The following VSTM4 variants were observed in gnomAD, a reference collection of about 807,000 sequenced individuals.
VSTM4 encodes V-set and transmembrane domain containing 4, also known as V-set and transmembrane domain-containing protein 4.
In VSTM4, 20 loss-of-function variants were observed where a neutral mutation model predicts 36.4. The observed-to-expected ratio is 0.55, with a 90% CI of 0.39 to 0.80. The LOEUF is 0.80. VSTM4 is among the 30% of genes least tolerant of loss of function. VSTM4 has a pLI of 0.00. For missense variants in VSTM4, 392 were observed against 404.5 expected (o/e 0.97, Z 0.26); for synonymous variants, 182 against 173.9 (o/e 1.05, Z -0.37).
intron 4 of VSTM4, among the ~76,000 whole-genome samples, chr10:49,076,496 G>A (rs1844180541): frequency 6.6e-6 from 1 of 152,138 alleles, no homozygotes; most frequent in African/African-American, 2.4e-5. Flanking sequence ...GAGCCACAGT[G>A]TCCCCAAGCT....
chr10:49,042,072 A>G (rs1843530006), intron 7 of VSTM4, among the ~76,000 whole-genome samples: 2 of 152,206 alleles, frequency 1.3e-5, no homozygotes, highest in Non-Finnish European at 2.9e-5. Context: ...AGCCACATAA[A>G]CACGCACACC....
intron 4 of VSTM4, 105 bp from the exon 5 acceptor site, chr10:49,064,841 T>A: frequency 5.0e-6 from 6 of 1,209,996 alleles, no homozygotes; most frequent in Non-Finnish European, 7.2e-6. Context: ...GTTCAGGTAT[T>A]GGTGCTATAC....
chr10:49,039,798 C>G (rs933367437), intron 7 of VSTM4, among the ~76,000 whole-genome samples: 1 of 152,174 alleles, frequency 6.6e-6, no homozygotes, highest in African/African-American at 2.4e-5. Context: ...CTGTGTCCTG[C>G]GGCTGTTTTT....
At chr10:49,112,357 A>G (rs1844910078) in intron 1 of VSTM4, among the ~76,000 whole-genome samples, 1 of 152,200 alleles carries the variant, frequency 6.6e-6, no homozygotes, top group South Asian at 2.1e-4. Flanking sequence ...CAGAGAAACG[A>G]TGAGACACAG....
At chr10:49,020,308 G>A (rs1044250240) in intron 7 of VSTM4, among the ~76,000 whole-genome samples, 1 of 152,052 alleles carries the variant, frequency 6.6e-6, no homozygotes, top group African/African-American at 2.4e-5. Context: ...GAAAACCATG[G>A]CCTGAAATAC....
chr10:49,081,239 A>G (rs773248019), intron 3 of VSTM4, among the ~76,000 whole-genome samples: 1 of 152,198 alleles, frequency 6.6e-6, no homozygotes, highest in Non-Finnish European at 1.5e-5. Flanking sequence ...GGTGAACAAC[A>G]CAGTCAGGCT....
At chr10:49,062,006 G>A (rs1053523380) in intron 5 of VSTM4, among the ~76,000 whole-genome samples, 3 of 152,170 alleles carry the variant, frequency 2.0e-5, no homozygotes, top group African/African-American at 7.2e-5. Context: ...AATTCTGAGT[G>A]TATTGTTTTT....
intron 7 of VSTM4, among the ~76,000 whole-genome samples, chr10:49,029,587 G>A (rs1843314212): frequency 1.3e-5 from 2 of 152,228 alleles, no homozygotes; most frequent in Non-Finnish European, 2.9e-5. Context: ...CATGCTCAGA[G>A]GCAGAGTCTA....
At chr10:49,064,678 G>C (rs1590099919) in intron 5 of VSTM4, 25 bp downstream of exon 5, 2 of 1,601,502 alleles carry the variant, frequency 1.2e-6, no homozygotes, top group East Asian at 4.5e-5. Context: ...AGTTTCATCT[G>C]AAAAAAGGAA....
intron 3 of VSTM4, among the ~76,000 whole-genome samples, chr10:49,083,663 G>T (rs953912967): frequency 6.6e-6 from 1 of 152,218 alleles, no homozygotes; most frequent in Non-Finnish European, 1.5e-5. Context: ...ATTTCATGTA[G>T]AGAGTTAGGT....
At chr10:49,066,218 A>G (rs1307043006) in intron 4 of VSTM4, among the ~76,000 whole-genome samples, 1 of 152,038 alleles carries the variant, frequency 6.6e-6, no homozygotes, top group Non-Finnish European at 1.5e-5. Context: ...ACCCTTTTCT[A>G]TTCATAAAAT....
chr10:49,028,611 T>C (rs1002836408), intron 7 of VSTM4, among the ~76,000 whole-genome samples: 1 of 152,238 alleles, frequency 6.6e-6, no homozygotes, highest in African/African-American at 2.4e-5. Flanking sequence ...ATTTTGTAGG[T>C]GTCTTTCCAT....
chr10:49,040,714 G>A (rs927888542), intron 7 of VSTM4, among the ~76,000 whole-genome samples: 3 of 152,268 alleles, frequency 2.0e-5, no homozygotes, highest in Admixed American at 6.5e-5. Context: ...ACTTGTTAAC[G>A]GCTTGGGGAT....
chr10:49,060,544 G>A (rs1475458082), intron 5 of VSTM4, among the ~76,000 whole-genome samples: 1 of 152,054 alleles, frequency 6.6e-6, no homozygotes, highest in African/African-American at 2.4e-5. Context: ...ATTTTTAATT[G>A]TGTTATCTGT....
chr10:49,084,125 T>C (rs1454481826), intron 3 of VSTM4, among the ~76,000 whole-genome samples: 1 of 152,238 alleles, frequency 6.6e-6, no homozygotes, highest in African/African-American at 2.4e-5. Flanking sequence ...TAAATAGTAA[T>C]GAGAAAGGTA....
chr10:49,078,750 T>C (rs542758922), intron 3 of VSTM4, among the ~76,000 whole-genome samples: 1 of 152,334 alleles, frequency 6.6e-6, no homozygotes, highest in South Asian at 2.1e-4. Flanking sequence ...CTGTTTGTGA[T>C]ATTGTTTTAT....
At chr10:49,099,485 G>A (rs948046923) in intron 2 of VSTM4, among the ~76,000 whole-genome samples, 2 of 152,214 alleles carry the variant, frequency 1.3e-5, no homozygotes, top group East Asian at 1.9e-4. Flanking sequence ...TCATTAGGGT[G>A]ATGTGGGCTT....
Position 49,085,977 on chromosome 10 carries a change from T to C in VSTM4, c.504A>G (p.Lys168=). 2.5e-6 allele frequency: 4 copies of C among 1,595,594 alleles called. No homozygotes were observed. Among genetic ancestry groups the C allele is most frequent in the Non-Finnish European group, 3.4e-6 (4 of 1,172,672 alleles). Residue 168 remains lysine, a synonymous_variant, in exon 3 of 8, where the codon AAA becomes AAG. Transcript: ENST00000332853. ...TACCTTCAAAAAATGCCCAAGTCTC[T>C]TTTGTTTTCTCAAAGGATGACTCTT... ...ASEESSFEKT[K]ETWAFFEDLY...
chr10:49,051,241 G>C (rs1205722615), intron 5 of VSTM4, among the ~76,000 whole-genome samples: 1 of 152,044 alleles, frequency 6.6e-6, no homozygotes, highest in South Asian at 2.1e-4. Context: ...GGCAACCAGC[G>C]ATCTTTTAAC....
Sources: allele counts gnomAD v4.1 joint callset (sites outside exome capture counted in the v4.1 genomes callset), GRCh38; gene constraint gnomAD v4.1.1; transcripts MANE v1.5; gene names NCBI Gene and HGNC (gene_info 2026-07-23, HGNC 2026-07-21).